SH3RF3: variants seen among roughly 807,000 people sequenced by gnomAD.
SH3RF3 encodes the protein SH3 domain containing ring finger 3.
A neutral mutation model predicts 66.3 loss-of-function variants in SH3RF3; 29 were observed. The ratio of observed to expected loss-of-function variants is 0.44; its 90% confidence interval spans 0.33 to 0.60. The LOEUF (loss-of-function observed/expected upper bound fraction) is 0.60, where lower values mean the gene tolerates loss of function less well. Ranked by LOEUF, SH3RF3 falls within the 20% of genes least tolerant of loss-of-function variation. SH3RF3 has a pLI of 0.04. For synonymous variants in SH3RF3, 583 were observed against 532.0 expected, an observed-to-expected ratio of 1.10 and a Z score of -1.32; for missense variants, 1,194 against 1,190.9, an observed-to-expected ratio of 1.00 and a Z score of -0.04.
chr2:109,297,933 C>A (rs918424215), intron 1 of SH3RF3, among the ~76,000 whole-genome samples: 1 of 151,622 alleles, frequency 6.6e-6, no homozygotes, highest in Admixed American at 6.6e-5. Context: ...ATGTGTGTTC[C>A]CCCCCCACCA....
chr2:109,318,693 G>A (rs1351676926), intron 1 of SH3RF3, among the ~76,000 whole-genome samples: 7 of 152,126 alleles, frequency 4.6e-5, no homozygotes, highest in East Asian at 1.9e-4. Flanking sequence ...CTCAGATCAT[G>A]CCCTGGCCAG....
At position 109,411,299 on chromosome 2, in the gene SH3RF3, A is replaced by G. The variant is rs531799904; in HGVS notation, c.1300-8240A>G. Among the ~76,000 whole-genome samples the G allele has an allele frequency of 1.1e-4, 17 of 152,308 alleles. No individual in the cohort carries two copies. In the East Asian group the frequency reaches 1.5e-3, roughly 14 times the overall value. On this transcript the variant is annotated intron_variant, in intron 4 of 9. Coordinates refer to ENST00000309415, the MANE Select transcript of SH3RF3 (RefSeq NM_001099289.3). ...CTGTGCCTTTACTCAGGAGTTCCCA[A>G]TTACAGTCATTTAAAGGAGAGGCCC...
chr2:109,332,156 C>T (rs762330557), intron 1 of SH3RF3, among the ~76,000 whole-genome samples: 20 of 152,166 alleles, frequency 1.3e-4, no homozygotes, highest in Non-Finnish European at 2.6e-4. Flanking sequence ...GCGCTTTACC[C>T]ATGAGAGGGA....
chr2:109,313,322 T>A (rs1194004422), intron 1 of SH3RF3, among the ~76,000 whole-genome samples: 1 of 152,228 alleles, frequency 6.6e-6, no homozygotes, highest in Non-Finnish European at 1.5e-5. Context: ...GGCTGGCATC[T>A]GTGTTTCTTG....
At chr2:109,176,344 C>T (rs1443640759) in intron 1 of SH3RF3, among the ~76,000 whole-genome samples, 3 of 152,170 alleles carry the variant, frequency 2.0e-5, no homozygotes, top group Admixed American at 1.3e-4. Context: ...TGAGAGAAGA[C>T]AGCTGAGCAG....
intron 9 of SH3RF3, among the ~76,000 whole-genome samples, chr2:109,497,028 C>A (rs1331672575): frequency 6.6e-6 from 1 of 152,180 alleles, no homozygotes; most frequent in Non-Finnish European, 1.5e-5. Context: ...CAGCTTCTAC[C>A]CTAGAGCCTG....
intron 1 of SH3RF3, among the ~76,000 whole-genome samples, chr2:109,286,882 C>G (rs985092952): frequency 1.3e-5 from 2 of 152,130 alleles, no homozygotes; most frequent in African/African-American, 2.4e-5. Context: ...CCGGTCTGTC[C>G]CCAGAGAAAG....
chr2:109,460,605 T>C (rs879649060), intron 8 of SH3RF3, among the ~76,000 whole-genome samples: 3 of 152,158 alleles, frequency 2.0e-5, no homozygotes, highest in African/African-American at 7.2e-5. Flanking sequence ...ATTACTAAAG[T>C]CCTCCTCTGC....
intron 8 of SH3RF3, among the ~76,000 whole-genome samples, chr2:109,456,347 C>T (rs950243936): frequency 3.9e-5 from 6 of 152,222 alleles, no homozygotes; most frequent in African/African-American, 7.2e-5. Context: ...CCAGCATGTG[C>T]GGCTGAAAAT....
intron 8 of SH3RF3, among the ~76,000 whole-genome samples, chr2:109,463,129 G>A (rs1233261810): frequency 6.6e-6 from 1 of 152,190 alleles, no homozygotes. Flanking sequence ...TGATTGAAGG[G>A]TTGTGACTCT....
intron 2 of SH3RF3, among the ~76,000 whole-genome samples, chr2:109,358,122 C>T (rs545302433): frequency 2.0e-5 from 3 of 152,336 alleles, no homozygotes; most frequent in South Asian, 2.1e-4. Flanking sequence ...TTTCCCAGAA[C>T]GTCATACGGT....
intron 2 of SH3RF3, among the ~76,000 whole-genome samples, chr2:109,353,619 C>G (rs967762638): frequency 2.6e-5 from 4 of 152,160 alleles, no homozygotes; most frequent in Non-Finnish European, 5.9e-5. Flanking sequence ...GGTGAGAGTG[C>G]CTCTGTCTCC....
chr2:109,401,327 A>T (rs1196552593), intron 4 of SH3RF3, among the ~76,000 whole-genome samples: 1 of 152,230 alleles, frequency 6.6e-6, no homozygotes, highest in Non-Finnish European at 1.5e-5. Context: ...GGGTACCCCT[A>T]AGAAGAGGAC....
At chr2:109,440,741 G>A (rs1677537315) in intron 7 of SH3RF3, among the ~76,000 whole-genome samples, 2 of 152,166 alleles carry the variant, frequency 1.3e-5, no homozygotes, top group African/African-American at 4.8e-5. Flanking sequence ...GAGAGGGCTT[G>A]AGTTTCCAGG....
chr2:109,174,247 T>C lies in SH3RF3; in HGVS notation c.573+44134T>C, dbSNP rs1677867102. Reference sequence around the variant, plus strand: ...GTAAGGTGGACATCACAGTTTTATCTATGACTGGGAAACACAGGCAGAGAG... The same window carrying C: ...GTAAGGTGGACATCACAGTTTTATCCATGACTGGGAAACACAGGCAGAGAG... On this transcript the variant is annotated intron_variant, in intron 1 of 9. Coordinates refer to ENST00000309415, the MANE Select transcript of SH3RF3 (RefSeq NM_001099289.3). Among the ~76,000 whole-genome samples, 5 of 152,372 alleles carry C rather than the reference T, an allele frequency of 3.3e-5. No homozygotes were observed. In the South Asian group the frequency reaches 1.0e-3, roughly 32 times the overall value.
At chr2:109,490,130 G>A (rs987324134) in intron 8 of SH3RF3, among the ~76,000 whole-genome samples, 2 of 152,162 alleles carry the variant, frequency 1.3e-5, no homozygotes, top group African/African-American at 4.8e-5. Context: ...TTCTCCATGG[G>A]TCTCTCACCC....
intron 1 of SH3RF3, among the ~76,000 whole-genome samples, chr2:109,287,796 G>T (rs1010568237): frequency 2.0e-5 from 3 of 152,096 alleles, no homozygotes; most frequent in East Asian, 1.9e-4. Context: ...TTAAAGCTTC[G>T]CACTGTTGCC....
intron 1 of SH3RF3, among the ~76,000 whole-genome samples, chr2:109,147,059 T>G (rs1052488098): frequency 1.5e-4 from 23 of 152,096 alleles, no homozygotes; most frequent in African/African-American, 4.6e-4. Context: ...TCCCAACAAC[T>G]GTCCAAACAA....
At chr2:109,272,680 A>C (rs759878411) in intron 1 of SH3RF3, among the ~76,000 whole-genome samples, 3 of 152,214 alleles carry the variant, frequency 2.0e-5, no homozygotes, top group Non-Finnish European at 4.4e-5. Flanking sequence ...CTGAGTTGTC[A>C]TGGAGACAAT....
Sources: gnomAD v4.1 joint callset for allele counts (sites outside exome capture counted in the v4.1 genomes callset) on GRCh38, gnomAD v4.1.1 for gene constraint, MANE v1.5 for transcripts, NCBI Gene and HGNC (gene_info 2026-07-23, HGNC 2026-07-21) for gene names.